Variants in LCP1 observed in about 807,000 individuals in gnomAD.
LCP1 encodes the protein plastin-2.
LCP1 carries 23 observed loss-of-function variants against 72.0 expected under a neutral mutation model. The observed-to-expected ratio is 0.32, with a 90% CI of 0.23 to 0.45. The LOEUF (loss-of-function observed/expected upper bound fraction) is 0.45, where lower values mean the gene tolerates loss of function less well. LCP1 is among the 20% of genes least tolerant of loss of function. The pLI, the probability that LCP1 is intolerant of heterozygous loss-of-function variation, is 1.00. For synonymous variants in LCP1, 245 were observed against 275.4 expected (o/e 0.89, Z 1.09); for missense variants, 571 against 748.3 (o/e 0.76, Z 2.76).
At chr13:46,178,149 C>G (rs1251391438) in intron 1 of LCP1, among the ~76,000 whole-genome samples, 1 of 152,154 alleles carries the variant, frequency 6.6e-6, no homozygotes, top group African/African-American at 2.4e-5. Context: ...GGACACCAGA[C>G]ACTACCTCAC....
intron 1 of LCP1, among the ~76,000 whole-genome samples, chr13:46,171,497 C>T (rs2045904329): frequency 6.6e-6 from 1 of 152,212 alleles, no homozygotes; most frequent in South Asian, 2.1e-4. Flanking sequence ...AGAGCAAGAA[C>T]ACAACCAGGC....
chr13:46,133,509 C>G (rs927729036), intron 14 of LCP1, among the ~76,000 whole-genome samples: 2 of 151,958 alleles, frequency 1.3e-5, no homozygotes, highest in African/African-American at 4.8e-5. Context: ...ACCTGTAGTC[C>G]CAGCTCCTCA....
chr13:46,127,639 G>A lies in LCP1; in HGVS notation c.1836C>T (p.Val612=). Residue 612 remains valine, a synonymous_variant, in exon 16 of 16, where the codon GTC becomes GTT. Coordinates refer to ENST00000323076, the MANE Select transcript of LCP1 (RefSeq NM_002298.5). ...CCATGAGGCAGGCAAACACGGTCATGACCATTTTGGGGTTCACTTCAACCA... is the reference window on the plus strand; with the variant it reads ...CCATGAGGCAGGCAAACACGGTCATAACCATTTTGGGGTTCACTTCAACCA... ...EDLVEVNPKM[V]MTVFACLMGK... The A allele has an allele frequency of 6.2e-7, 1 of 1,614,176 alleles. No individual in the cohort carries two copies. Among genetic ancestry groups the A allele is most frequent in the African/African-American group, 1.3e-5 (1 of 75,032 alleles).
intron 8 of LCP1, among the ~76,000 whole-genome samples, chr13:46,149,568 C>T (rs375062444): frequency 7.2e-5 from 11 of 152,298 alleles, no homozygotes; most frequent in South Asian, 2.1e-4. Context: ...CCAATTTACA[C>T]GATTTAAAGA....
At chr13:46,169,545 A>T (rs1465946463) in intron 1 of LCP1, 2 of 152,158 alleles carry the variant, frequency 1.3e-5, no homozygotes, top group Non-Finnish European at 2.9e-5. Flanking sequence ...AGGAGTTTTG[A>T]CCTGCTCCAT....
At chr13:46,137,357 G>C (rs1402416610) in intron 13 of LCP1, among the ~76,000 whole-genome samples, 2 of 152,152 alleles carry the variant, frequency 1.3e-5, no homozygotes, top group Admixed American at 6.5e-5. Flanking sequence ...TACCAACATG[G>C]AGAAACCCTG....
intron 1 of LCP1, among the ~76,000 whole-genome samples, chr13:46,168,304 G>T (rs2045887575): frequency 1.3e-5 from 2 of 152,212 alleles, no homozygotes; most frequent in Admixed American, 1.3e-4. Context: ...AGCTAGATTA[G>T]AAAGTATTGC....
chr13:46,130,705 T>C (rs1176826298), intron 15 of LCP1, 109 bp downstream of exon 15: 8 of 1,303,960 alleles, frequency 6.1e-6, no homozygotes, highest in Non-Finnish European at 8.6e-6. Flanking sequence ...AAAGCACGGA[T>C]AGTGAAAATG....
At chr13:46,150,789 C>G (rs917125948) in intron 8 of LCP1, 147 bp downstream of exon 8, 11 of 841,694 alleles carry the variant, frequency 1.3e-5, no homozygotes, top group Non-Finnish European at 1.8e-5. Flanking sequence ...GATGGGCTCT[C>G]AAGGACAGTG....
At chr13:46,136,564 G>A (rs895549288) in intron 13 of LCP1, among the ~76,000 whole-genome samples, 1 of 152,172 alleles carries the variant, frequency 6.6e-6, no homozygotes, top group South Asian at 2.1e-4. Flanking sequence ...GAGAAATCAT[G>A]AGTATAAATG....
intron 15 of LCP1, among the ~76,000 whole-genome samples, chr13:46,130,588 G>GTTTTT (rs35095925): frequency 1.4e-5 from 2 of 142,828 alleles, no homozygotes; most frequent in African/African-American, 2.6e-5. Flanking sequence ...TTATTGGGTT[G>GTTTTT]TTTTTTTTTT....
rs2045606683 is a variant in LCP1, at chr13:46,127,576, C to A, written c.*15G>T. 1.2e-6 allele frequency: 2 copies of A among 1,613,858 alleles called. No homozygotes were observed. Among genetic ancestry groups the A allele is most frequent in the African/African-American group, 1.3e-5 (1 of 74,906 alleles). On this transcript the variant is annotated 3_prime_UTR_variant, in exon 16 of 16. Coordinates refer to ENST00000323076, the MANE Select transcript of LCP1 (RefSeq NM_002298.5). ...AGGAGTGAGTGCACCGCCTCCCACC[C>A]AGCCCCATTGGGCCTCACACCCTCT...
intron 1 of LCP1, among the ~76,000 whole-genome samples, chr13:46,163,870 A>G (rs1352786347): frequency 6.6e-6 from 1 of 152,102 alleles, no homozygotes; most frequent in Admixed American, 6.5e-5. Flanking sequence ...TATACCCTCT[A>G]CCATATCCAC....
Position 46,134,149 on chromosome 13 carries a change from C to A in LCP1, c.1604G>T (p.Ser535Ile). ...VNETLREAKK[S>I]SSISSFKDPK... The stretch of plus-strand genomic sequence containing the variant: ...TACCTTGAAACTAGAGATGGATGAA[C>A]TTTTCTTTGCTTCCCTCAATGTTTC... The change falls in exon 14 of 16, where the codon AGT (serine) becomes ATT (isoleucine). Residue 535 changes from serine to isoleucine, a missense_variant. Transcript: ENST00000323076. The A allele has an allele frequency of 6.2e-7, 1 of 1,613,692 alleles. No homozygotes were observed. Among genetic ancestry groups the A allele is most frequent in the South Asian group, 1.1e-5 (1 of 91,074 alleles).
intron 13 of LCP1, among the ~76,000 whole-genome samples, chr13:46,137,304 G>A (rs1449157242): frequency 1.3e-5 from 2 of 152,088 alleles, no homozygotes; most frequent in East Asian, 1.9e-4. Context: ...TTGGGAGGCC[G>A]AGGCGGGCGG....
At chr13:46,143,982 C>G (rs1325870056) in intron 11 of LCP1, among the ~76,000 whole-genome samples, 1 of 151,944 alleles carries the variant, frequency 6.6e-6, no homozygotes, top group Non-Finnish European at 1.5e-5. Flanking sequence ...AGGAGAATGG[C>G]GTGAACCCGG....
At chr13:46,138,251 G>T (rs1301826708) in intron 13 of LCP1, among the ~76,000 whole-genome samples, 16 of 152,040 alleles carry the variant, frequency 1.1e-4, no homozygotes, top group Admixed American at 1.0e-3. Context: ...TTATTGTCCA[G>T]ATAAATGACC....
chr13:46,144,571 T>C, intron 10 of LCP1, 51 bp from the exon 11 acceptor site: 1 of 1,290,136 alleles, frequency 7.8e-7, no homozygotes, highest in Non-Finnish European at 1.1e-6. Context: ...AACATAGCTT[T>C]TTTATGACCA....
chr13:46,158,524 G>A lies in LCP1; in HGVS notation c.356C>T (p.Ser119Leu). 1 of 1,613,982 alleles carries A rather than the reference G, an allele frequency of 6.2e-7. No individual in the cohort carries two copies. Among genetic ancestry groups the A allele is most frequent in the Non-Finnish European group, 8.5e-7 (1 of 1,179,964 alleles). ...QSSVGTQHSY[S>L]EEEKYAFVNW... is the part of the protein sequence containing the mutation. Reference sequence around the variant, plus strand: ...TCCAACCCAGGAGTTGAGCCTACCTGAATAGGAGTGTTGGGTGCCAACGCT... The same window carrying A: ...TCCAACCCAGGAGTTGAGCCTACCTAAATAGGAGTGTTGGGTGCCAACGCT... The change falls in exon 4 of 16, where the codon TCA (serine) becomes TTA (leucine). Residue 119 changes from serine (S) to leucine (L), a missense_variant and splice_region_variant. Coordinates refer to ENST00000323076, the MANE Select transcript of LCP1 (RefSeq NM_002298.5).
Sources: gnomAD v4.1 joint callset for allele counts (sites outside exome capture counted in the v4.1 genomes callset) on GRCh38, gnomAD v4.1.1 for gene constraint, MANE v1.5 for transcripts, NCBI Gene and HGNC (gene_info 2026-07-23, HGNC 2026-07-21) for gene names.